The following ACER2 variants were observed in gnomAD, a reference collection of about 807,000 sequenced individuals.
ACER2 encodes the protein alkaline ceramidase 2.
Under a neutral mutation model 34.7 loss-of-function variants are expected in ACER2, and 26 were observed. That is an observed-to-expected ratio of 0.75 (90% confidence interval 0.55 to 1.04). ACER2 has a LOEUF of 1.04. ACER2 is among the 50% of genes least tolerant of loss of function. The probability of loss-of-function intolerance (pLI) is 0.00; values close to 1 mark genes in which losing one functional copy is unlikely to be tolerated. For missense variants in ACER2, 352 were observed against 340.8 expected (o/e 1.03, Z -0.26); for synonymous variants, 138 against 132.1 (o/e 1.04, Z -0.31).
At position 19,434,831 on chromosome 9, in the gene ACER2, G is replaced by A. The variant is rs568340906; in HGVS notation, c.366-116G>A. ...GGCTTTTTGAACCTTGGTACTTAGC[G>A]CAGAATTTCTTTTCAGCTTGTATTT... On this transcript the variant is annotated intron_variant, in intron 3 of 5. Coordinates refer to ENST00000340967, the MANE Select transcript of ACER2 (RefSeq NM_001010887.3). 9.0e-5 allele frequency: 122 copies of A among 1,352,670 alleles called. 1 individual carries two copies. The highest frequency in any genetic ancestry group is 1.4e-4 in the East Asian group (6 of 43,108). The allele number at this position is 1,352,670 out of a possible 1,614,324, so 83.8% of individuals were successfully genotyped here. A position where few individuals can be genotyped will look rare whatever the true frequency, so the allele number is the denominator to read the frequency against.
chr9:19,442,335 TTTCAC>T lies in ACER2; in HGVS notation c.504-3940_504-3936del, dbSNP rs1258994508. On this transcript the variant is annotated intron_variant, in intron 4 of 5. Coordinates refer to ENST00000340967, the MANE Select transcript of ACER2 (RefSeq NM_001010887.3). ...GTACATGTGATTTTTGTCCGCCCTT[TTTCAC>T]TTCACATTGATATTTTGATAAAAGC... Among the ~76,000 whole-genome samples the T allele has an allele frequency of 5.3e-5, 8 of 152,362 alleles. No homozygotes were observed. The South Asian group carries it at 6.2e-4, about 12-fold the overall frequency.
At chr9:19,427,171 C>T (rs75773441) in intron 3 of ACER2, among the ~76,000 whole-genome samples, 3,109 of 152,268 alleles carry the variant, frequency 0.02, 85 homozygotes, top group African/African-American at 0.07. Context: ...ATCTTTGAGA[C>T]GATCCTGTAG....
chr9:19,414,342 G>A (rs377288364), intron 1 of ACER2, among the ~76,000 whole-genome samples: 5 of 152,200 alleles, frequency 3.3e-5, no homozygotes, highest in Admixed American at 2.0e-4. Flanking sequence ...TGTACAGCCT[G>A]TTGTTTTGTC....
intron 1 of ACER2, among the ~76,000 whole-genome samples, chr9:19,414,713 G>A (rs765024786): frequency 2.6e-5 from 4 of 152,144 alleles, no homozygotes; most frequent in African/African-American, 4.8e-5. Context: ...TGAGATCAAG[G>A]CTGCAGTGAG....
In ACER2 at chr9:19,452,093, A is replaced by T. The variant is rs1383629751; in HGVS notation, c.*1457A>T. On this transcript the variant is annotated 3_prime_UTR_variant, in exon 6 of 6. Transcript: ENST00000340967. ...TTCTCTTCATCGGGCTGAATGAAAG[A>T]TTCAAGAACCATCTTCAAGGTGCAT... 6.6e-6 allele frequency: 1 copy of T among 152,646 alleles called. No homozygotes were observed. The highest frequency in any genetic ancestry group is 2.1e-4 in the South Asian group (1 of 4,832). 9.5% of individuals were successfully genotyped at this position (152,646 alleles called of 1,614,324 possible). A position where few individuals can be genotyped will look rare whatever the true frequency, so the allele number is the denominator to read the frequency against.
At chr9:19,420,228 A>G (rs565460004) in intron 1 of ACER2, among the ~76,000 whole-genome samples, 2 of 152,140 alleles carry the variant, frequency 1.3e-5, no homozygotes, top group Non-Finnish European at 2.9e-5. Context: ...AACATGAGTA[A>G]CCGCTCTTTT....
intron 5 of ACER2, 160 bp downstream of exon 5, chr9:19,446,578 C>T (rs1831372534): frequency 1.2e-5 from 12 of 985,418 alleles, no homozygotes; most frequent in Non-Finnish European, 1.4e-5. Context: ...ACTGAAAGCA[C>T]ACTTTGTAAA....
At chr9:19,415,148 A>G (rs887599737) in intron 1 of ACER2, among the ~76,000 whole-genome samples, 4 of 152,212 alleles carry the variant, frequency 2.6e-5, no homozygotes, top group Non-Finnish European at 5.9e-5. Context: ...TATTTGAAGC[A>G]TATGGCAAAA....
intron 5 of ACER2, among the ~76,000 whole-genome samples, chr9:19,448,406 T>C (rs1480549539): frequency 6.6e-6 from 1 of 152,244 alleles, no homozygotes; most frequent in African/African-American, 2.4e-5. Flanking sequence ...TATATAATCT[T>C]CATTTTTGTG....
At chr9:19,433,703 G>C (rs1233803198) in intron 3 of ACER2, among the ~76,000 whole-genome samples, 2 of 152,222 alleles carry the variant, frequency 1.3e-5, no homozygotes, top group Admixed American at 6.5e-5. Context: ...GCCGGGCAGA[G>C]GGGCTCCTCA....
intron 5 of ACER2, 123 bp downstream of exon 5, chr9:19,446,541 G>C: frequency 6.5e-7 from 1 of 1,542,444 alleles, no homozygotes; most frequent in Non-Finnish European, 8.7e-7. Flanking sequence ...TCTCTCCTCA[G>C]GTGGACGGTC....
intron 5 of ACER2, among the ~76,000 whole-genome samples, chr9:19,448,859 A>G (rs1286046949): frequency 6.6e-6 from 1 of 152,160 alleles, no homozygotes; most frequent in Non-Finnish European, 1.5e-5. Flanking sequence ...AGTTCATATC[A>G]GCCGGGCGTG....
chr9:19,414,827 CAG>C (rs1467699739), intron 1 of ACER2, among the ~76,000 whole-genome samples: 8 of 142,734 alleles, frequency 5.6e-5, no homozygotes, highest in African/African-American at 8.1e-5. Context: ...ACCTGGCTGA[CAG>C]AGCGAGACTC....
At chr9:19,412,057 G>A (rs1400073437) in intron 1 of ACER2, among the ~76,000 whole-genome samples, 1 of 152,178 alleles carries the variant, frequency 6.6e-6, no homozygotes, top group East Asian at 1.9e-4. Flanking sequence ...GAAGCTATAA[G>A]TGCCACTGTA....
intron 4 of ACER2, among the ~76,000 whole-genome samples, chr9:19,440,353 C>T (rs1377703469): frequency 2.0e-5 from 3 of 152,140 alleles, no homozygotes; most frequent in Admixed American, 2.0e-4. Context: ...TTTGTATCTC[C>T]CCTGAATTCA....
At chr9:19,415,685 C>T (rs770818748) in intron 1 of ACER2, among the ~76,000 whole-genome samples, 2 of 152,002 alleles carry the variant, frequency 1.3e-5, no homozygotes, top group African/African-American at 4.8e-5. Flanking sequence ...AAAGCCATTG[C>T]GGGACAGCTT....
At chr9:19,445,166 G>A (rs575514489) in intron 4 of ACER2, among the ~76,000 whole-genome samples, 23 of 152,314 alleles carry the variant, frequency 1.5e-4, no homozygotes, top group African/African-American at 4.8e-4. Context: ...CCAGGTGTTC[G>A]TCCCCAGGGG....
At chr9:19,421,070 C>T (rs1044404695) in intron 1 of ACER2, among the ~76,000 whole-genome samples, 1 of 152,096 alleles carries the variant, frequency 6.6e-6, no homozygotes, top group African/African-American at 2.4e-5. Context: ...AGGCTATAAA[C>T]CTGTACAACC....
chr9:19,446,200 C>T (rs763084728), intron 4 of ACER2, 81 bp from the exon 5 acceptor site: 15 of 1,601,186 alleles, frequency 9.4e-6, no homozygotes, highest in Admixed American at 8.3e-5. Flanking sequence ...GAGGAACCAG[C>T]GAAGGAGACA....
Sources: gnomAD v4.1 joint callset for allele counts (sites outside exome capture counted in the v4.1 genomes callset) on GRCh38, gnomAD v4.1.1 for gene constraint, MANE v1.5 for transcripts, NCBI Gene and HGNC (gene_info 2026-07-23, HGNC 2026-07-21) for gene names.